The following MYBPC1 variants were observed in gnomAD, a reference collection of about 807,000 sequenced individuals.
MYBPC1 encodes the protein myosin-binding protein C, slow-type.
Under a neutral mutation model 147.1 loss-of-function variants are expected in MYBPC1, and 52 were observed. The ratio of observed to expected loss-of-function variants is 0.35; its 90% CI spans 0.28 to 0.45. The LOEUF is 0.45. Ranked by LOEUF, MYBPC1 falls within the 20% of genes least tolerant of loss-of-function variation. The pLI, the probability that MYBPC1 is intolerant of heterozygous loss-of-function variation, is 1.00. For missense variants in MYBPC1, 1,228 were observed against 1,440.3 expected (o/e 0.85, Z 2.39); for synonymous variants, 477 against 475.9 (o/e 1.00, Z -0.03).
At chr12:101,616,755 A>G (rs1402217305) in intron 2 of MYBPC1, among the ~76,000 whole-genome samples, 1 of 152,222 alleles carries the variant, frequency 6.6e-6, no homozygotes, top group East Asian at 1.9e-4. Context: ...ACTGCACACA[A>G]TTACATATTT....
rs1362007884 is a variant in MYBPC1, at chr12:101,646,841, T to C, written c.1044T>C (p.Tyr348=). Reference sequence around the variant, plus strand: ...AGATGACAGATGATTCAGAGTATTATGTGACAGCCGGTGATGAGAAATGTT... The same window carrying C: ...AGATGACAGATGATTCAGAGTATTACGTGACAGCCGGTGATGAGAAATGTT... ...NCQMTDDSEY[Y]VTAGDEKCST... The change falls in exon 13 of 32, where the codon TAT becomes TAC. Residue 348 remains tyrosine (Y), a synonymous_variant. Transcript: ENST00000361466. The C allele has an allele frequency of 1.9e-6, 3 of 1,613,998 alleles. No individual in the cohort carries two copies. The highest frequency in any genetic ancestry group is 2.2e-5 in the South Asian group (2 of 91,086).
In MYBPC1 at chr12:101,626,909, A is replaced by G. The variant is rs188427857; in HGVS notation, c.141A>G (p.Pro47=). 6 of 1,610,212 alleles carry G rather than the reference A, an allele frequency of 3.7e-6. No homozygotes were observed. In the East Asian group the frequency reaches 1.3e-4, roughly 36 times the overall value. ...TCTCCCCGCCTAGCGCCTTGCCTCC[A>G]GGTTGGGATAATTTCTACCCTTTTC... ...EEVSPPSALP[P]GLGSRALERK... is the part of the protein sequence containing the mutation. Residue 47 remains proline (P), a splice_region_variant and synonymous_variant, in exon 4 of 32, where the codon CCA becomes CCG. Coordinates refer to ENST00000361466, the MANE Select transcript of MYBPC1 (RefSeq NM_002465.4).
chr12:101,595,716 G>T lies in MYBPC1; in HGVS notation c.25+621G>T, dbSNP rs568195510. Among the ~76,000 whole-genome samples, 3 of 152,180 alleles carry T rather than the reference G, an allele frequency of 2.0e-5. No homozygotes were observed. In the South Asian group the frequency reaches 6.2e-4, roughly 32 times the overall value. On this transcript the variant is annotated intron_variant, in intron 1 of 31. Transcript: ENST00000361466. The stretch of plus-strand genomic sequence containing the variant: ...TGTCCCTGAATATCATGAATAGATT[G>T]TTCTTTCATGAGTTTTATTGTAGAG...
At chr12:101,671,685 T>G (rs551140069) in intron 24 of MYBPC1, among the ~76,000 whole-genome samples, 11 of 152,146 alleles carry the variant, frequency 7.2e-5, no homozygotes, top group Non-Finnish European at 1.6e-4. Flanking sequence ...GAGTCAGCCC[T>G]CAAGCCTCCA....
chr12:101,624,342 A>T (rs376984134), intron 3 of MYBPC1, among the ~76,000 whole-genome samples: 1 of 152,338 alleles, frequency 6.6e-6, no homozygotes, highest in East Asian at 1.9e-4. Flanking sequence ...ATTCTAATAG[A>T]TTATATAAAA....
chr12:101,676,134 A>G (rs1174552893), intron 26 of MYBPC1, among the ~76,000 whole-genome samples: 1 of 152,078 alleles, frequency 6.6e-6, no homozygotes, highest in Non-Finnish European at 1.5e-5. Context: ...AGTCTATTTT[A>G]TGTGTGGCCC....
intron 15 of MYBPC1, among the ~76,000 whole-genome samples, chr12:101,650,486 G>T (rs960530775): frequency 2.0e-5 from 3 of 152,134 alleles, no homozygotes; most frequent in Non-Finnish European, 2.9e-5. Context: ...GCAAGGAGAA[G>T]TACCAAGCAA....
chr12:101,616,638 C>G (rs1886155458), intron 2 of MYBPC1, among the ~76,000 whole-genome samples: 1 of 152,104 alleles, frequency 6.6e-6, no homozygotes, highest in Non-Finnish European at 1.5e-5. Flanking sequence ...TAGATGGTCT[C>G]AACTGGTAGA....
At chr12:101,695,803 T>C in the MYBPC1 span, among the ~76,000 whole-genome samples, 1 of 152,110 alleles carries the variant, frequency 6.6e-6, no homozygotes, top group Non-Finnish European at 1.5e-5. Context: ...CTGTACTTCT[T>C]TTATGTGAGA....
chr12:101,669,274 C>CT (rs1467459695), intron 23 of MYBPC1, among the ~76,000 whole-genome samples: 1 of 152,050 alleles, frequency 6.6e-6, no homozygotes, highest in Admixed American at 6.6e-5. Context: ...GAATAGGTGA[C>CT]TTTTTTGCAC....
At chr12:101,632,839 C>T (rs1176061211) in intron 8 of MYBPC1, among the ~76,000 whole-genome samples, 2 of 152,200 alleles carry the variant, frequency 1.3e-5, no homozygotes, top group African/African-American at 2.4e-5. Context: ...AAGCAGTTCT[C>T]ATGCCTCAGC....
At chr12:101,685,419 C>T (rs12425714) in intron 31 of MYBPC1, among the ~76,000 whole-genome samples, 163 bp from the exon 32 acceptor site, 1 of 152,140 alleles carries the variant, frequency 6.6e-6, no homozygotes, top group Non-Finnish European at 1.5e-5. Context: ...TCTAAATGTA[C>T]TAAATCCAGG....
intron 1 of MYBPC1, among the ~76,000 whole-genome samples, chr12:101,607,097 A>T (rs961623152): frequency 6.6e-6 from 1 of 152,192 alleles, no homozygotes; most frequent in African/African-American, 2.4e-5. Context: ...CTGAGATCAT[A>T]GGCGAGAGCC....
At position 101,673,496 on chromosome 12, in the gene MYBPC1, C is replaced by T. The variant is rs760890500; in HGVS notation, c.2683C>T (p.Arg895Cys). 42 of 1,613,884 alleles carry T rather than the reference C, an allele frequency of 2.6e-5. No individual in the cohort carries two copies. Among genetic ancestry groups the T allele is most frequent in the Non-Finnish European group, 3.4e-5 (40 of 1,180,000 alleles). ...AATTGATAAGAATCAAATAAACATTCGCAACTCTGAGACTGATACAATCAT... is the reference window on the plus strand; with the variant it reads ...AATTGATAAGAATCAAATAAACATTTGCAACTCTGAGACTGATACAATCAT... ...AEIDKNQINI[R>C]NSETDTIIFI... is the part of the protein sequence containing the mutation. The change falls in exon 25 of 32, where the codon CGC becomes TGC. Residue 895 changes from arginine (R) to cysteine (C), a missense_variant. Arg to Cys is a radical substitution (Grantham distance 180). Around this residue, in one of 2 missense-constraint regions of MYBPC1, gnomAD observed 1,077 missense variants for 1,314.2 expected, o/e 0.82. Coordinates refer to ENST00000361466, the MANE Select transcript of MYBPC1 (RefSeq NM_002465.4).
intron 8 of MYBPC1, among the ~76,000 whole-genome samples, chr12:101,633,895 C>CTT (rs571261326): frequency 1.5e-5 from 2 of 137,322 alleles, no homozygotes; most frequent in South Asian, 2.3e-4. Context: ...ACCTGGAGGG[C>CTT]TTTTTTTTTT....
chr12:101,646,832 A>C lies in MYBPC1; in HGVS notation c.1035A>C (p.Ser345=). 6.2e-7 allele frequency: 1 copy of C among 1,613,888 alleles called. No individual in the cohort carries two copies. The highest frequency in any genetic ancestry group is 8.5e-7 in the Non-Finnish European group (1 of 1,179,718). ...ATAACTGTCAGATGACAGATGATTC[A>C]GAGTATTATGTGACAGCCGGTGATG... The part of the protein sequence containing the change: ...FINNCQMTDD[S]EYYVTAGDEK... The change falls in exon 13 of 32, where the codon TCA becomes TCC. Residue 345 remains serine, a synonymous_variant. Transcript: ENST00000361466.
At chr12:101,678,374 G>A (rs1055357429) in intron 28 of MYBPC1, 136 bp downstream of exon 28, 40 of 1,278,654 alleles carry the variant, frequency 3.1e-5, no homozygotes, top group Non-Finnish European at 3.9e-5. Context: ...GGTAGTGGTG[G>A]TAGATTATTA....
intron 29 of MYBPC1, among the ~76,000 whole-genome samples, chr12:101,681,587 TATA>T (rs1447874449): frequency 3.6e-4 from 11 of 30,532 alleles, no homozygotes; most frequent in South Asian, 2.9e-3. Context: ...TATATATATA[TATA>T]TATTTTTTTT....
In MYBPC1 at chr12:101,684,392, A is replaced by G. The variant is rs1951224996; in HGVS notation, c.3503A>G (p.Asn1168Ser). The change falls in exon 31 of 32, where the codon AAT becomes AGT. Residue 1168 changes from asparagine (N) to serine (S), a missense_variant. Asn to Ser is a conservative substitution (Grantham distance 46, BLOSUM62 1). Transcript: ENST00000361466. ...FLEGQQQSLH[N>S]KDF ...TTCTCTTTTCCTTAGTCATTGCACA[A>G]TAAGGATTTTTGAATGTATAATATC... 1 of 1,588,698 alleles carries G rather than the reference A, an allele frequency of 6.3e-7. No homozygotes were observed.
Sources: allele counts gnomAD v4.1 joint callset (sites outside exome capture counted in the v4.1 genomes callset), GRCh38; gene constraint gnomAD v4.1.1; regional missense constraint gnomAD v4.1.1; transcripts MANE v1.5; gene names NCBI Gene and HGNC (gene_info 2026-07-23, HGNC 2026-07-21).